The following SH3GL3 variants were observed in gnomAD, a reference collection of about 807,000 sequenced individuals.
SH3GL3 encodes endophilin-A3.
Under a neutral mutation model 47.7 loss-of-function variants are expected in SH3GL3, and 33 were observed. The observed-to-expected ratio is 0.69, with a 90% CI of 0.52 to 0.92. The LOEUF (loss-of-function observed/expected upper bound fraction) is 0.92, where lower values mean the gene tolerates loss of function less well. SH3GL3 is among the 40% of genes least tolerant of loss of function. The pLI is 0.00. For synonymous variants in SH3GL3, 155 were observed against 148.8 expected (o/e 1.04, Z -0.30); for missense variants, 363 against 417.8 (o/e 0.87, Z 1.14).
At chr15:83,549,316 G>T (rs1399695730) in intron 1 of SH3GL3, among the ~76,000 whole-genome samples, 5 of 152,152 alleles carry the variant, frequency 3.3e-5, no homozygotes, top group Non-Finnish European at 7.4e-5. Flanking sequence ...GGCACATATT[G>T]TGTGTGAAGA....
chr15:83,475,188 G>A (rs2041037337), intron 1 of SH3GL3, among the ~76,000 whole-genome samples: 1 of 151,302 alleles, frequency 6.6e-6, no homozygotes, highest in Non-Finnish European at 1.5e-5. Flanking sequence ...TTTTAAAAAA[G>A]TTAACTAGGC....
chr15:83,606,601 C>A (rs1038059208), intron 8 of SH3GL3, among the ~76,000 whole-genome samples: 2 of 152,124 alleles, frequency 1.3e-5, no homozygotes, highest in African/African-American at 2.4e-5. Flanking sequence ...GCCTTCCCCC[C>A]AGATCCATTT....
chr15:83,554,486 T>G (rs1596247275), intron 1 of SH3GL3, among the ~76,000 whole-genome samples: 1 of 152,116 alleles, frequency 6.6e-6, no homozygotes, highest in East Asian at 1.9e-4. Context: ...GCACCCAGCC[T>G]TGCTCTTAAA....
intron 8 of SH3GL3, among the ~76,000 whole-genome samples, chr15:83,589,963 C>G (rs943060917): frequency 1.3e-5 from 2 of 152,164 alleles, no homozygotes; most frequent in African/African-American, 4.8e-5. Flanking sequence ...ACTTCCATTT[C>G]TGCCAAGCAC....
intron 1 of SH3GL3, among the ~76,000 whole-genome samples, chr15:83,479,601 CTG>C (rs2041252408): frequency 1.3e-5 from 2 of 152,228 alleles, no homozygotes; most frequent in Non-Finnish European, 2.9e-5. Flanking sequence ...TGGCTGAGGA[CTG>C]TTTCTGGGAC....
intron 1 of SH3GL3, among the ~76,000 whole-genome samples, chr15:83,468,534 T>C (rs2040682665): frequency 6.6e-6 from 1 of 152,332 alleles, no homozygotes; most frequent in Non-Finnish European, 1.5e-5. Flanking sequence ...TGAGGAAATT[T>C]CCCTGTATTT....
At chr15:83,478,059 A>G (rs1317635571) in intron 1 of SH3GL3, among the ~76,000 whole-genome samples, 1 of 151,970 alleles carries the variant, frequency 6.6e-6, no homozygotes, top group Non-Finnish European at 1.5e-5. Flanking sequence ...TGGGTGAGGG[A>G]GATGGCATGG....
chr15:83,599,673 T>C (rs933918461), intron 8 of SH3GL3, among the ~76,000 whole-genome samples: 1 of 152,248 alleles, frequency 6.6e-6, no homozygotes, highest in Non-Finnish European at 1.5e-5. Context: ...AGTATCTTTT[T>C]TGTATAATGA....
In SH3GL3 at chr15:83,457,388, G is replaced by A. The variant is rs140044648; in HGVS notation, c.45+9810G>A. On this transcript the variant is annotated intron_variant, in intron 1 of 8. Coordinates refer to ENST00000427482, the MANE Select transcript of SH3GL3 (RefSeq NM_003027.5). Reference sequence around the variant, plus strand: ...CAGAGGTTAAAGGACACTGCTTGTAGGGCAGAAAGAAGGGGAGCCTCTAAC... The same window carrying A: ...CAGAGGTTAAAGGACACTGCTTGTAAGGCAGAAAGAAGGGGAGCCTCTAAC... Among the ~76,000 whole-genome samples the A allele has an allele frequency of 3.8e-3, 583 of 152,306 alleles. 4 individuals are homozygous for A. Among genetic ancestry groups the A allele is most frequent in the African/African-American group, 0.013 (544 of 41,564 alleles).
chr15:83,467,276 C>T (rs763121964), intron 1 of SH3GL3, among the ~76,000 whole-genome samples: 6 of 152,122 alleles, frequency 3.9e-5, no homozygotes, highest in Non-Finnish European at 8.8e-5. Flanking sequence ...ACTCCAGTAC[C>T]ACGTGTTGCA....
chr15:83,540,624 T>A (rs1307638891), intron 1 of SH3GL3, among the ~76,000 whole-genome samples: 1 of 152,184 alleles, frequency 6.6e-6, no homozygotes, highest in East Asian at 1.9e-4. Context: ...TTTCTTTTTT[T>A]AAATTTAAAA....
chr15:83,622,983 G>C (rs1247297645), downstream of SH3GL3, among the ~76,000 whole-genome samples: 2 of 152,216 alleles, frequency 1.3e-5, no homozygotes, highest in Non-Finnish European at 2.9e-5. Context: ...AGTGCAGAAC[G>C]CCCCTCCTGC....
chr15:83,571,666 A>G (rs1191688132), intron 4 of SH3GL3, among the ~76,000 whole-genome samples: 1 of 152,064 alleles, frequency 6.6e-6, no homozygotes, highest in East Asian at 1.9e-4. Context: ...GGTGGGTGAA[A>G]CAACTCAAAG....
intron 1 of SH3GL3, among the ~76,000 whole-genome samples, chr15:83,545,996 TG>T (rs2044373813): frequency 6.6e-6 from 1 of 152,242 alleles, no homozygotes; most frequent in African/African-American, 2.4e-5. Context: ...AGAACAGTAC[TG>T]GGTCTTGCCC....
chr15:83,529,859 A>C (rs907685878), intron 1 of SH3GL3, among the ~76,000 whole-genome samples: 1 of 152,166 alleles, frequency 6.6e-6, no homozygotes, highest in African/African-American at 2.4e-5. Flanking sequence ...CTCAGAGTGC[A>C]TGCTAGTGCA....
intron 1 of SH3GL3, among the ~76,000 whole-genome samples, chr15:83,529,810 G>A (rs1215229995): frequency 6.6e-6 from 1 of 152,138 alleles, no homozygotes; most frequent in Non-Finnish European, 1.5e-5. Context: ...CTTAGCAGCA[G>A]CAGTAACAGC....
intron 1 of SH3GL3, among the ~76,000 whole-genome samples, chr15:83,523,418 G>A (rs1246167274): frequency 2.0e-5 from 3 of 152,188 alleles, no homozygotes; most frequent in Middle Eastern, 3.2e-3. Context: ...GGTGTGTGGA[G>A]TAGAGACCAA....
At chr15:83,600,321 A>G (rs560499514) in intron 8 of SH3GL3, among the ~76,000 whole-genome samples, 47 of 152,328 alleles carry the variant, frequency 3.1e-4, no homozygotes, top group African/African-American at 1.1e-3. Flanking sequence ...TTATAGTTTC[A>G]GGTCTTAGAT....
chr15:83,546,508 C>T (rs2044407283), intron 1 of SH3GL3, among the ~76,000 whole-genome samples: 1 of 152,124 alleles, frequency 6.6e-6, no homozygotes, highest in Admixed American at 6.6e-5. Flanking sequence ...GAGAAATCCT[C>T]TTGGTGCTTT....
Sources: allele counts gnomAD v4.1 joint callset (sites outside exome capture counted in the v4.1 genomes callset), GRCh38; gene constraint gnomAD v4.1.1; transcripts MANE v1.5; gene names NCBI Gene and HGNC (gene_info 2026-07-23, HGNC 2026-07-21).